KCNH5: variants seen among roughly 807,000 people sequenced by gnomAD.
KCNH5 encodes voltage-gated delayed rectifier potassium channel KCNH5.
In KCNH5, 46 loss-of-function variants were observed where a neutral mutation model predicts 96.1. The ratio of observed to expected loss-of-function variants is 0.48; its 90% CI spans 0.38 to 0.61. The LOEUF (loss-of-function observed/expected upper bound fraction) is 0.61, where lower values mean the gene tolerates loss of function less well. KCNH5 is among the 20% of genes least tolerant of loss of function. The probability of loss-of-function intolerance (pLI) is 0.00; values close to 1 mark genes in which losing one functional copy is unlikely to be tolerated. For synonymous variants in KCNH5, 439 were observed against 449.8 expected (o/e 0.98, Z 0.30); for missense variants, 907 against 1,225.8 (o/e 0.74, Z 3.88).
intron 2 of KCNH5, 121 bp from the exon 3 acceptor site, chr14:63,006,593 C>A: frequency 8.1e-6 from 5 of 615,544 alleles, no homozygotes; most frequent in Admixed American, 2.6e-5. Flanking sequence ...ATTGCTCCTA[C>A]ACAGAATAGT....
chr14:62,713,474 T>G (rs769660329), intron 10 of KCNH5, among the ~76,000 whole-genome samples: 38 of 152,214 alleles, frequency 2.5e-4, no homozygotes, highest in Non-Finnish European at 5.0e-4. Flanking sequence ...TTGATTTCAT[T>G]GCAAGGATGC....
intron 1 of KCNH5, among the ~76,000 whole-genome samples, chr14:63,030,452 T>G (rs548485024): frequency 1.3e-5 from 2 of 152,328 alleles, no homozygotes; most frequent in East Asian, 3.9e-4. Flanking sequence ...CAAGCACTTT[T>G]TCTTCAAGGG....
At chr14:63,004,736 C>G (rs916537316) in intron 3 of KCNH5, among the ~76,000 whole-genome samples, 1 of 152,186 alleles carries the variant, frequency 6.6e-6, no homozygotes. Context: ...TCCTGAGTAG[C>G]TGGGACTATA....
intron 4 of KCNH5, among the ~76,000 whole-genome samples, chr14:62,990,699 T>A (rs1490118644): frequency 6.6e-6 from 1 of 152,062 alleles, no homozygotes; most frequent in Admixed American, 6.6e-5. Flanking sequence ...CCAGATCTTA[T>A]ATTTTCTATC....
At chr14:62,916,730 G>T (rs2140105036) in intron 7 of KCNH5, among the ~76,000 whole-genome samples, 1 of 71,294 alleles carries the variant, frequency 1.4e-5, no homozygotes, top group East Asian at 0.01. Context: ...AGAGAGCACA[G>T]CTCCAACGGA....
chr14:62,846,675 T>G (rs1293795606), intron 8 of KCNH5, among the ~76,000 whole-genome samples: 1 of 151,694 alleles, frequency 6.6e-6, no homozygotes, highest in South Asian at 2.1e-4. Flanking sequence ...CAGTCCTTAT[T>G]TATAGTGGAA....
intron 8 of KCNH5, among the ~76,000 whole-genome samples, chr14:62,843,768 C>T (rs1245751128): frequency 6.6e-6 from 1 of 152,058 alleles, no homozygotes. Flanking sequence ...AAGACTAGTG[C>T]CTTTGGTCTT....
intron 10 of KCNH5, among the ~76,000 whole-genome samples, chr14:62,729,506 C>T (rs752338574): frequency 1.3e-5 from 2 of 152,258 alleles, no homozygotes; most frequent in South Asian, 2.1e-4. Context: ...TATTGAGTTT[C>T]CAGACCTGAG....
chr14:62,914,932 A>G (rs1035999659), intron 7 of KCNH5, among the ~76,000 whole-genome samples: 7 of 152,314 alleles, frequency 4.6e-5, no homozygotes, highest in Admixed American at 4.6e-4. Context: ...CACATTCCCA[A>G]TGGATTTGGG....
chr14:62,941,052 G>C (rs1190339844), intron 7 of KCNH5, among the ~76,000 whole-genome samples: 1 of 152,156 alleles, frequency 6.6e-6, no homozygotes, highest in Non-Finnish European at 1.5e-5. Flanking sequence ...TTTCTTGTTT[G>C]ACCCTCTTAC....
intron 6 of KCNH5, among the ~76,000 whole-genome samples, chr14:62,980,072 C>A (rs1890578260): frequency 6.6e-6 from 1 of 152,126 alleles, no homozygotes; most frequent in Non-Finnish European, 1.5e-5. Flanking sequence ...GTGGCAGTTT[C>A]CCCTGTGCTC....
chr14:62,961,828 A>G (rs867341259), intron 6 of KCNH5, among the ~76,000 whole-genome samples: 6 of 143,824 alleles, frequency 4.2e-5, no homozygotes, highest in African/African-American at 8.0e-5. Context: ...AGATGCAGAT[A>G]GAGATGGAGA....
At chr14:63,044,106 T>G (rs982385839) in intron 1 of KCNH5, among the ~76,000 whole-genome samples, 2 of 152,204 alleles carry the variant, frequency 1.3e-5, no homozygotes, top group Non-Finnish European at 2.9e-5. Context: ...CAGAAATGTC[T>G]TTCTCATTAT....
intron 1 of KCNH5, among the ~76,000 whole-genome samples, chr14:63,034,990 T>A (rs1891696249): frequency 6.6e-6 from 1 of 152,198 alleles, no homozygotes; most frequent in Non-Finnish European, 1.5e-5. Context: ...ATTTGATGCA[T>A]AACATCATAA....
At chr14:62,842,706 A>T (rs1887610325) in intron 8 of KCNH5, among the ~76,000 whole-genome samples, 1 of 152,188 alleles carries the variant, frequency 6.6e-6, no homozygotes, top group Non-Finnish European at 1.5e-5. Context: ...CCTCTATTAG[A>T]CATTCTGAAT....
chr14:62,813,749 G>A (rs961486104), intron 8 of KCNH5, among the ~76,000 whole-genome samples: 1 of 152,200 alleles, frequency 6.6e-6, no homozygotes. Context: ...CCAGTGGAGA[G>A]AGTCAGGCAA....
intron 7 of KCNH5, among the ~76,000 whole-genome samples, chr14:62,938,258 A>G (rs968925493): frequency 1.3e-5 from 2 of 152,150 alleles, no homozygotes; most frequent in Non-Finnish European, 2.9e-5. Flanking sequence ...AGCCTCCAGT[A>G]TTTCCTGAGA....
At chr14:62,742,028 T>C (rs1314478335) in intron 10 of KCNH5, among the ~76,000 whole-genome samples, 1 of 152,134 alleles carries the variant, frequency 6.6e-6, no homozygotes, top group East Asian at 1.9e-4. Flanking sequence ...TCTCAGGTTT[T>C]TGGCTATAAA....
chr14:62,712,797 C>A, intron 10 of KCNH5: 2 of 727,308 alleles, frequency 2.7e-6, no homozygotes, highest in South Asian at 1.5e-5. Context: ...GAGCTTTGTG[C>A]GAGGCAGTCT....
Sources: gnomAD v4.1 joint callset for allele counts (sites outside exome capture counted in the v4.1 genomes callset) on GRCh38, gnomAD v4.1.1 for gene constraint, MANE v1.5 for transcripts, NCBI Gene and HGNC (gene_info 2026-07-23, HGNC 2026-07-21) for gene names.